RALYL: variants seen among roughly 807,000 people sequenced by gnomAD.
RALYL encodes RNA-binding Raly-like protein.
RALYL carries 29 observed loss-of-function variants against 35.1 expected under a neutral mutation model. The observed-to-expected ratio is 0.83, with a 90% CI of 0.61 to 1.13. RALYL has a LOEUF of 1.13. Among genes scored for constraint, RALYL ranks in the 50% most tolerant of loss-of-function variants. The pLI is 0.00. For synonymous variants in RALYL, 120 were observed against 127.6 expected (o/e 0.94, Z 0.40); for missense variants, 359 against 360.4 (o/e 1.00, Z 0.03).
At chr8:84,407,888 T>C (rs1418435340) in intron 1 of RALYL, among the ~76,000 whole-genome samples, 1 of 152,066 alleles carries the variant, frequency 6.6e-6, no homozygotes, top group African/African-American at 2.4e-5. Flanking sequence ...TAATTATCAT[T>C]ATATAGATGA....
At chr8:84,695,216 AT>A (rs1330778730) in intron 2 of RALYL, among the ~76,000 whole-genome samples, 1 of 151,536 alleles carries the variant, frequency 6.6e-6, no homozygotes, top group African/African-American at 2.4e-5. Flanking sequence ...ATGTTGAGTA[AT>A]TTTTTCAGCT....
intron 2 of RALYL, among the ~76,000 whole-genome samples, chr8:84,551,857 T>A (rs774320692): frequency 6.6e-6 from 1 of 152,142 alleles, no homozygotes; most frequent in Non-Finnish European, 1.5e-5. Context: ...GGTAACTGTA[T>A]AAATGAAAAG....
At chr8:84,503,198 A>T (rs1408035371) in intron 1 of RALYL, among the ~76,000 whole-genome samples, 1 of 152,054 alleles carries the variant, frequency 6.6e-6, no homozygotes, top group Admixed American at 6.6e-5. Context: ...CCCAAGCTAG[A>T]GTGCAGTGGT....
At chr8:84,825,582 A>G (rs1829492137) in intron 4 of RALYL, among the ~76,000 whole-genome samples, 1 of 152,136 alleles carries the variant, frequency 6.6e-6, no homozygotes, top group Admixed American at 6.5e-5. Context: ...AATAGCAAAG[A>G]CACAACCAGG....
chr8:84,413,800 A>G (rs917894010), intron 1 of RALYL, among the ~76,000 whole-genome samples: 3 of 152,046 alleles, frequency 2.0e-5, no homozygotes, highest in African/African-American at 7.2e-5. Flanking sequence ...GGCAGTTCTT[A>G]GTGAAATCAA....
intron 2 of RALYL, among the ~76,000 whole-genome samples, chr8:84,617,026 G>A (rs984715633): frequency 6.6e-6 from 1 of 150,804 alleles, no homozygotes; most frequent in Non-Finnish European, 1.5e-5. Context: ...CAGGTAGTGT[G>A]ATGCCTCCAG....
At chr8:84,452,734 A>G (rs2049643932) in intron 1 of RALYL, among the ~76,000 whole-genome samples, 1 of 152,046 alleles carries the variant, frequency 6.6e-6, no homozygotes, top group Non-Finnish European at 1.5e-5. Flanking sequence ...TTAGCATAGA[A>G]CTGTTTATGT....
At chr8:84,453,390 T>C (rs1432213904) in intron 1 of RALYL, among the ~76,000 whole-genome samples, 3 of 151,946 alleles carry the variant, frequency 2.0e-5, no homozygotes, top group Non-Finnish European at 4.4e-5. Context: ...ATGTATATAA[T>C]GATAGGAGAG....
At chr8:84,687,335 C>T (rs563235006) in intron 2 of RALYL, among the ~76,000 whole-genome samples, 1 of 152,024 alleles carries the variant, frequency 6.6e-6, no homozygotes, top group African/African-American at 2.4e-5. Flanking sequence ...CCAATGTTCC[C>T]TCTTGTTGAG....
intron 4 of RALYL, among the ~76,000 whole-genome samples, chr8:84,834,473 A>G (rs1025912225): frequency 6.6e-6 from 1 of 152,198 alleles, no homozygotes; most frequent in Admixed American, 6.5e-5. Flanking sequence ...TGAGATGCCC[A>G]TGGTTATCAC....
At chr8:84,734,276 G>A (rs1286380376) in intron 2 of RALYL, among the ~76,000 whole-genome samples, 1 of 151,816 alleles carries the variant, frequency 6.6e-6, no homozygotes, top group Non-Finnish European at 1.5e-5. Flanking sequence ...TTTTTAGAGT[G>A]GAAAAAATAA....
At chr8:84,873,796 A>G (rs943838406) in intron 7 of RALYL, among the ~76,000 whole-genome samples, 2 of 152,188 alleles carry the variant, frequency 1.3e-5, no homozygotes, top group African/African-American at 4.8e-5. Flanking sequence ...GGTTTCAACA[A>G]TTATTATAAT....
rs1162607873 is a variant in RALYL, at chr8:84,543,701, C to CATTTT, written c.256+14124_256+14125insATTTT. Among the ~76,000 whole-genome samples the CATTTT allele has an allele frequency of 3.4e-4, 51 of 152,020 alleles. 2 individuals carry two copies. The East Asian group carries it at 9.9e-3, about 29-fold the overall frequency. The stretch of plus-strand genomic sequence containing the variant: ...ACCATATTTATGTTGGTTTCTGGGT[C>CATTTT]GTTTTGACATAACTCTAAGAGTCTT... On this transcript the variant is annotated intron_variant, in intron 2 of 8. Transcript: ENST00000521268.
intron 4 of RALYL, among the ~76,000 whole-genome samples, chr8:84,829,700 G>T (rs942288918): frequency 5.3e-5 from 8 of 152,128 alleles, no homozygotes; most frequent in Non-Finnish European, 1.5e-5. Context: ...CTTGTTATTT[G>T]TGGAAGTTAT....
chr8:84,787,631 CCCA>C (rs1297299550), intron 3 of RALYL, among the ~76,000 whole-genome samples: 10 of 152,150 alleles, frequency 6.6e-5, no homozygotes, highest in Non-Finnish European at 8.8e-5. Flanking sequence ...AATTTACACT[CCCA>C]CCAACAGTGT....
intron 1 of RALYL, among the ~76,000 whole-genome samples, chr8:84,247,028 A>G (rs1563603180): frequency 1.3e-5 from 2 of 152,156 alleles, no homozygotes; most frequent in Non-Finnish European, 2.9e-5. Context: ...CAGTGCATAT[A>G]CCTGTAACAT....
chr8:84,690,299 G>A (rs537136049), intron 2 of RALYL, among the ~76,000 whole-genome samples: 41 of 152,264 alleles, frequency 2.7e-4, no homozygotes, highest in Non-Finnish European at 5.4e-4. Context: ...AATACTACAT[G>A]ATCTCATTTA....
chr8:84,791,915 G>A (rs376942461), intron 3 of RALYL, among the ~76,000 whole-genome samples: 2 of 152,094 alleles, frequency 1.3e-5, no homozygotes, highest in Non-Finnish European at 2.9e-5. Flanking sequence ...TTTCCCCCCC[G>A]GCAGGATGTG....
intron 4 of RALYL, among the ~76,000 whole-genome samples, chr8:84,808,397 G>A (rs1825160424): frequency 6.6e-6 from 1 of 152,140 alleles, no homozygotes; most frequent in South Asian, 2.1e-4. Flanking sequence ...CACCGTTTTG[G>A]TGACTATGTC....
Sources: gnomAD v4.1 joint callset for allele counts (sites outside exome capture counted in the v4.1 genomes callset) on GRCh38, gnomAD v4.1.1 for gene constraint, MANE v1.5 for transcripts, NCBI Gene and HGNC (gene_info 2026-07-23, HGNC 2026-07-21) for gene names.